The following MUC13 variants were observed in gnomAD, a reference collection of about 807,000 sequenced individuals.
MUC13 encodes mucin 13, cell surface associated.
Under a neutral mutation model 48.3 loss-of-function variants are expected in MUC13, and 32 were observed. The ratio of observed to expected loss-of-function variants is 0.66; its 90% CI spans 0.50 to 0.89. The LOEUF (loss-of-function observed/expected upper bound fraction) is 0.89. MUC13 is among the 40% of genes least tolerant of loss of function. The probability of loss-of-function intolerance (pLI) is 0.00; values close to 1 mark genes in which losing one functional copy is unlikely to be tolerated. For missense variants in MUC13, 571 were observed against 622.8 expected, an observed-to-expected ratio of 0.92 and a Z score of 0.88; for synonymous variants, 199 against 224.9, an observed-to-expected ratio of 0.88 and a Z score of 1.03.
intron 8 of MUC13, among the ~76,000 whole-genome samples, chr3:124,912,397 C>T (rs763569381): frequency 8.5e-5 from 13 of 152,164 alleles, no homozygotes; most frequent in Non-Finnish European, 1.6e-4. Flanking sequence ...CTCCATCCTC[C>T]GGGCTTCAGG....
intron 5 of MUC13, among the ~76,000 whole-genome samples, chr3:124,918,287 G>T (rs1935539495): frequency 6.6e-6 from 1 of 152,154 alleles, no homozygotes; most frequent in South Asian, 2.1e-4. Flanking sequence ...TGAGCCCCAG[G>T]TGCATTTGCC....
chr3:124,912,302 T>G (rs1935432785), intron 8 of MUC13, 161 bp from the exon 9 acceptor site: 3 of 1,066,712 alleles, frequency 2.8e-6, no homozygotes, highest in Non-Finnish European at 4.0e-6. Context: ...ACTCTCATTC[T>G]TCCAGGAGAC....
intron 3 of MUC13, among the ~76,000 whole-genome samples, chr3:124,922,707 T>G (rs7431414): frequency 0.29 from 167 of 578 alleles, 16 homozygotes; most frequent in Middle Eastern, 0.5. Flanking sequence ...TGGGCTCAAG[T>G]GATCCTCCTG....
Position 124,913,174 on chromosome 3 carries a change from C to A in MUC13, c.1151G>T (p.Gly384Val), listed in dbSNP as rs1357202538. The change falls in exon 8 of 12, where the codon GGT (glycine) becomes GTT (valine). Residue 384 changes from glycine (G) to valine (V), a missense_variant. By Grantham distance (109) the Gly-to-Val change is moderately radical. Coordinates refer to ENST00000616727, the MANE Select transcript of MUC13 (RefSeq NM_033049.4). Reference protein sequence around the residue: ...QHKQCLIKKSGGAPECACVPG... With the variant: ...QHKQCLIKKSVGAPECACVPG... The stretch of plus-strand genomic sequence containing the variant: ...CACGCACGCACACTCAGGGGCCCCA[C>A]CACTCTTCTTTATTAAGCATTGCTT... The A allele has an allele frequency of 1.9e-6, 3 of 1,614,014 alleles. No homozygotes were observed. The highest frequency in any genetic ancestry group is 2.5e-6 in the Non-Finnish European group (3 of 1,180,022).
chr3:124,933,978 C>G (rs1289193145), intron 1 of MUC13, among the ~76,000 whole-genome samples: 1 of 152,182 alleles, frequency 6.6e-6, no homozygotes, highest in Non-Finnish European at 1.5e-5. Context: ...TTAGCATTCT[C>G]AAATTCAAGT....
At chr3:124,927,473 C>T in intron 2 of MUC13, 59 bp downstream of exon 2, 2 of 1,517,160 alleles carry the variant, frequency 1.3e-6, no homozygotes, top group Non-Finnish European at 1.8e-6. Context: ...ATACCCACCT[C>T]CCTCCCTCCA....
intron 6 of MUC13, 70 bp from the exon 7 acceptor site, chr3:124,913,751 C>A: frequency 1.9e-6 from 3 of 1,575,404 alleles, no homozygotes; most frequent in Non-Finnish European, 2.6e-6. Context: ...GTGAAAATTA[C>A]CCCACCCCAT....
At chr3:124,920,113 C>T in intron 5 of MUC13, 121 bp downstream of exon 5, 1 of 838,690 alleles carries the variant, frequency 1.2e-6, no homozygotes, top group Non-Finnish European at 2.0e-6. Context: ...CTGAGACTGA[C>T]CCTCTCCTCT....
In MUC13 at chr3:124,916,407, C is replaced by T. The variant is rs866631254; in HGVS notation, c.874G>A (p.Ala292Thr). The T allele has an allele frequency of 1.9e-6, 3 of 1,613,738 alleles. No homozygotes were observed. The highest frequency in any genetic ancestry group is 4.5e-5 in the East Asian group (2 of 44,870). Residue 292 changes from alanine (A) to threonine (T), a missense_variant, in exon 6 of 12, where the codon GCA becomes ACA. Physicochemically the swap from Ala to Thr is moderately conservative, Grantham distance 58. Transcript: ENST00000616727. The stretch of plus-strand genomic sequence containing the variant: ...TTCTCATTGTCACTTGTGGTTTCTG[C>T]CAAAATTGTTACTATTGTTACATTA... Reference protein sequence around the residue: ...FVNVTIVTILAETTSDNEKTV... With the variant: ...FVNVTIVTILTETTSDNEKTV...
intron 11 of MUC13, among the ~76,000 whole-genome samples, chr3:124,907,226 C>G (rs971997191): frequency 6.6e-6 from 1 of 152,114 alleles, no homozygotes; most frequent in Non-Finnish European, 1.5e-5. Flanking sequence ...AGGCTGGTCT[C>G]GAACTCTTGG....
At chr3:124,921,219 G>T (rs559516355) in intron 4 of MUC13, among the ~76,000 whole-genome samples, 2 of 151,706 alleles carry the variant, frequency 1.3e-5, no homozygotes, top group African/African-American at 4.8e-5. Flanking sequence ...GCATGATCTT[G>T]GGTCACTGCA....
intron 6 of MUC13, among the ~76,000 whole-genome samples, chr3:124,915,541 A>T (rs1935498609): frequency 6.6e-6 from 1 of 152,210 alleles, no homozygotes; most frequent in African/African-American, 2.4e-5. Context: ...AGATCAGCAC[A>T]CTATCCACTT....
rs1422160838 is a variant in MUC13 at position 124,934,688 on chromosome 3, G to C, written c.25C>G (p.Leu9Val). MKAIIHLT[L>V]LALLSVNTAT... The stretch of plus-strand genomic sequence containing the variant: ...GTGTTTACAGAAAGGAGAGCAAGAA[G>C]AGTAAGATGAATGATGGCTTTCATT... Residue 9 changes from leucine to valine, a missense_variant, in exon 1 of 12, where the codon CTT (leucine) becomes GTT (valine). Coordinates refer to ENST00000616727, the MANE Select transcript of MUC13 (RefSeq NM_033049.4). 6.2e-7 allele frequency: 1 copy of C among 1,610,600 alleles called. No individual in the cohort carries two copies. The highest frequency in any genetic ancestry group is 1.7e-5 in the Admixed American group (1 of 59,984).
intron 7 of MUC13, 151 bp from the exon 8 acceptor site, chr3:124,913,391 G>C (rs1345054572): frequency 6.9e-7 from 1 of 1,440,424 alleles, no homozygotes; most frequent in Non-Finnish European, 9.4e-7. Context: ...CCCCTGTGAA[G>C]CTGGACATGG....
intron 6 of MUC13, among the ~76,000 whole-genome samples, chr3:124,913,917 C>G (rs1485787363): frequency 2.0e-5 from 3 of 152,158 alleles, no homozygotes; most frequent in South Asian, 2.1e-4. Flanking sequence ...TAAAAGTTAG[C>G]TGGGCATGGT....
chr3:124,920,116 T>C (rs1935570231), intron 5 of MUC13, 118 bp downstream of exon 5: 2 of 858,252 alleles, frequency 2.3e-6, no homozygotes, highest in Non-Finnish European at 3.8e-6. Context: ...AGACTGACCC[T>C]CTCCTCTTAA....
intron 1 of MUC13, among the ~76,000 whole-genome samples, chr3:124,932,333 A>C (rs1935811696): frequency 6.6e-6 from 1 of 152,218 alleles, no homozygotes. Context: ...TGGGAGGCCA[A>C]GGCAGGTGGA....
At chr3:124,911,882 G>A (rs182169005) in intron 9 of MUC13, among the ~76,000 whole-genome samples, 1 of 152,256 alleles carries the variant, frequency 6.6e-6, no homozygotes, top group Admixed American at 6.5e-5. Flanking sequence ...CCCACTCCTG[G>A]TGCTGAGTTC....
At chr3:124,922,062 TA>T in intron 4 of MUC13, 134 bp downstream of exon 4, 1 of 1,054,560 alleles carries the variant, frequency 9.5e-7, no homozygotes, top group Non-Finnish European at 1.3e-6. Flanking sequence ...TACCGACCAG[TA>T]AAGGTACATT....
Sources: allele counts gnomAD v4.1 joint callset (sites outside exome capture counted in the v4.1 genomes callset), GRCh38; gene constraint gnomAD v4.1.1; transcripts MANE v1.5; gene names NCBI Gene and HGNC (gene_info 2026-07-23, HGNC 2026-07-21).